The following MGAT4A variants were observed in gnomAD, a reference collection of about 807,000 sequenced individuals.
The protein encoded by MGAT4A is alpha-1,3-mannosyl-glycoprotein 4-beta-N-acetylglucosaminyltransferase A.
Under a neutral mutation model 74.1 loss-of-function variants are expected in MGAT4A, and 33 were observed. The observed-to-expected ratio is 0.45, with a 90% CI of 0.34 to 0.60. MGAT4A has a LOEUF of 0.60. Ranked by LOEUF, MGAT4A falls within the 20% of genes least tolerant of loss-of-function variation. The pLI, the probability that MGAT4A is intolerant of heterozygous loss-of-function variation, is 0.02. For synonymous variants in MGAT4A, 198 were observed against 210.4 expected, an observed-to-expected ratio of 0.94 and a Z score of 0.51; for missense variants, 479 against 628.3, an observed-to-expected ratio of 0.76 and a Z score of 2.54.
chr2:98,638,147 T>C (rs902889765), intron 12 of MGAT4A, among the ~76,000 whole-genome samples: 3 of 152,150 alleles, frequency 2.0e-5, no homozygotes, highest in African/African-American at 7.2e-5. Flanking sequence ...ACAAAATAAA[T>C]GTATCAAGTC....
At chr2:98,714,193 T>G (rs1702559648) in intron 2 of MGAT4A, among the ~76,000 whole-genome samples, 1 of 152,196 alleles carries the variant, frequency 6.6e-6, no homozygotes, top group Non-Finnish European at 1.5e-5. Flanking sequence ...GTTCAAGCTA[T>G]TCCTGTGTCT....
At chr2:98,715,599 CAT>C (rs1274082174) in intron 2 of MGAT4A, among the ~76,000 whole-genome samples, 1 of 152,158 alleles carries the variant, frequency 6.6e-6, no homozygotes, top group Non-Finnish European at 1.5e-5. Flanking sequence ...AATGAGAACA[CAT>C]GGACACACAG....
chr2:98,694,035 C>G (rs985919235), intron 2 of MGAT4A: 1 of 153,274 alleles, frequency 6.5e-6, no homozygotes, highest in Admixed American at 6.5e-5. Flanking sequence ...CTTGTTCTCT[C>G]GATTCATCCT....
At position 98,656,582 on chromosome 2, in the gene MGAT4A, T is replaced by C. The variant is rs1023865398; in HGVS notation, c.585-117A>G. On this transcript the variant is annotated intron_variant, in intron 6 of 15. Coordinates refer to ENST00000393487, the MANE Select transcript of MGAT4A (RefSeq NM_012214.3). Reference sequence around the variant, plus strand: ...AGTAATCATTTGTAGCAACGTATAATGTTATGGCCGCAAGGTGTTAAAAGG... The same window carrying C: ...AGTAATCATTTGTAGCAACGTATAACGTTATGGCCGCAAGGTGTTAAAAGG... 16 of 642,960 alleles carry C rather than the reference T, an allele frequency of 2.5e-5. No individual in the cohort carries two copies. The Admixed American group carries it at 2.6e-4, about 11-fold the overall frequency. The allele number at this position is 642,960 out of a possible 1,614,324, so 39.8% of individuals were successfully genotyped here.
rs1701061877 is a variant in MGAT4A, at chr2:98,621,615, G to A, written c.*3951C>T. On this transcript the variant is annotated 3_prime_UTR_variant, in exon 16 of 16. Transcript: ENST00000393487. ...CAGGTTCCACCCATGCTCAAAGTGG[G>A]AGGATATTATACAAGGTCATTGGTG... 5 of 1,506,952 alleles carry A rather than the reference G, an allele frequency of 3.3e-6. No individual in the cohort carries two copies. Among genetic ancestry groups the A allele is most frequent in the African/African-American group, 1.4e-5 (1 of 71,948 alleles). The allele number at this position is 1,506,952 out of a possible 1,614,324, so 93.3% of individuals were successfully genotyped here. A position where few individuals can be genotyped will look rare whatever the true frequency, so the allele number is the denominator to read the frequency against.
chr2:98,699,382 T>C (rs1702319699), intron 2 of MGAT4A, among the ~76,000 whole-genome samples: 2 of 152,140 alleles, frequency 1.3e-5, no homozygotes. Context: ...ATTATCAGGG[T>C]TTATCAGCCA....
At chr2:98,666,254 T>C (rs1326643270) in intron 4 of MGAT4A, among the ~76,000 whole-genome samples, 1 of 152,020 alleles carries the variant, frequency 6.6e-6, no homozygotes, top group African/African-American at 2.4e-5. Context: ...GTGACTTGAG[T>C]AACTGGACGG....
At chr2:98,644,538 G>T (rs1418303024) in intron 9 of MGAT4A, among the ~76,000 whole-genome samples, 1 of 152,088 alleles carries the variant, frequency 6.6e-6, no homozygotes, top group Non-Finnish European at 1.5e-5. Context: ...GCCTCTAAAT[G>T]CTTAAAGTGT....
chr2:98,631,574 C>A lies in MGAT4A; in HGVS notation c.1468+3648G>T, dbSNP rs576224168. Among the ~76,000 whole-genome samples, 57 of 152,342 alleles carry A rather than the reference C, an allele frequency of 3.7e-4. No homozygotes were observed. In the South Asian group the frequency reaches 6.8e-3, roughly 18 times the overall value. ...GGAAGCACACGGGCGGGCGGAAGAG[C>A]ACACCCGCGGATGCTGGCAGGCCAT... On this transcript the variant is annotated intron_variant, in intron 14 of 15. Coordinates refer to ENST00000393487, the MANE Select transcript of MGAT4A (RefSeq NM_012214.3).
intron 2 of MGAT4A, among the ~76,000 whole-genome samples, chr2:98,711,531 A>G (rs1702518917): frequency 1.3e-5 from 2 of 152,170 alleles, no homozygotes; most frequent in African/African-American, 4.8e-5. Flanking sequence ...TAGTATTGCT[A>G]ATTAATAATA....
chr2:98,659,521 T>A (rs1215671105), intron 5 of MGAT4A, among the ~76,000 whole-genome samples: 1 of 152,170 alleles, frequency 6.6e-6, no homozygotes, highest in Admixed American at 6.5e-5. Context: ...CACCCAAGTC[T>A]CATCTCGAAT....
chr2:98,655,602 G>T, intron 7 of MGAT4A, 82 bp from the exon 8 acceptor site: 1 of 864,292 alleles, frequency 1.2e-6, no homozygotes, highest in African/African-American at 1.7e-5. Flanking sequence ...AATGTCAAAT[G>T]TCTACATAAC....
intron 2 of MGAT4A, among the ~76,000 whole-genome samples, chr2:98,702,620 CA>C (rs1223339596): frequency 6.6e-6 from 1 of 152,200 alleles, no homozygotes; most frequent in African/African-American, 2.4e-5. Flanking sequence ...GGCGCACTCG[CA>C]AACAGCTTGC....
intron 2 of MGAT4A, among the ~76,000 whole-genome samples, chr2:98,699,201 G>A (rs1702316641): frequency 6.6e-6 from 1 of 152,198 alleles, no homozygotes; most frequent in South Asian, 2.1e-4. Flanking sequence ...AAAGCTCATT[G>A]GAGACTCAAT....
At chr2:98,678,036 T>C (rs1002531337) in intron 3 of MGAT4A, among the ~76,000 whole-genome samples, 52 of 150,828 alleles carry the variant, frequency 3.4e-4, no homozygotes, top group African/African-American at 1.2e-3. Context: ...AAGACCATCC[T>C]GGCTAACATC....
chr2:98,685,148 G>A (rs894907776), intron 2 of MGAT4A, among the ~76,000 whole-genome samples: 2 of 151,700 alleles, frequency 1.3e-5, no homozygotes. Flanking sequence ...TGAAGTGGGA[G>A]GATCCCTTGA....
chr2:98,725,759 T>C (rs551954944), intron 2 of MGAT4A, among the ~76,000 whole-genome samples: 1 of 152,332 alleles, frequency 6.6e-6, no homozygotes, highest in South Asian at 2.1e-4. Flanking sequence ...TACTTTTGCC[T>C]AAGGAGTAAT....
At chr2:98,694,080 C>A in intron 2 of MGAT4A, 1 of 153,802 alleles carries the variant, frequency 6.5e-6, no homozygotes, top group Admixed American at 6.5e-5. Flanking sequence ...GGCCCCAGCC[C>A]CAGCCCCAGC....
intron 5 of MGAT4A, among the ~76,000 whole-genome samples, chr2:98,662,737 T>C (rs924852034): frequency 1.3e-5 from 2 of 152,078 alleles, no homozygotes; most frequent in African/African-American, 4.8e-5. Context: ...CTTTTTCAGG[T>C]TTCAGGACTC....
Sources: gnomAD v4.1 joint callset for allele counts (sites outside exome capture counted in the v4.1 genomes callset) on GRCh38, gnomAD v4.1.1 for gene constraint, MANE v1.5 for transcripts, NCBI Gene and HGNC (gene_info 2026-07-23, HGNC 2026-07-21) for gene names.